The following SRPK2 variants were observed in gnomAD, a reference collection of about 807,000 sequenced individuals.
SRPK2 encodes SRSF protein kinase 2.
A neutral mutation model predicts 90.8 loss-of-function variants in SRPK2; 21 were observed. The observed-to-expected ratio is 0.23, with a 90% CI of 0.16 to 0.33. The LOEUF is 0.33. SRPK2 is among the 10% of genes least tolerant of loss of function. The pLI is 1.00. For synonymous variants in SRPK2, 288 were observed against 311.1 expected (o/e 0.93, Z 0.78); for missense variants, 620 against 869.0 (o/e 0.71, Z 3.60).
upstream of SRPK2, chr7:105,389,250 C>T (rs1413822910): frequency 1.6e-6 from 2 of 1,256,012 alleles, no homozygotes; most frequent in Non-Finnish European, 2.1e-6. Context: ...GCACCCCGGC[C>T]GGTCGCGCCG....
In SRPK2 at chr7:105,208,363, T is replaced by C. The variant is rs535885148; in HGVS notation, c.72-4578A>G. ...CACAGTGTTCAGAGAAGTACTACTA[T>C]TTTTAACGAAAAGCAGAAACAACCC... is the stretch of plus-strand genomic sequence containing the variant. On this transcript the variant is annotated intron_variant, in intron 2 of 15. Transcript: ENST00000393651. Among the ~76,000 whole-genome samples, 113 of 152,284 alleles carry C rather than the reference T, an allele frequency of 7.4e-4. 2 individuals are homozygous for C. In the South Asian group the frequency reaches 0.021, roughly 29 times the overall value.
intron 7 of SRPK2, among the ~76,000 whole-genome samples, chr7:105,155,574 C>T (rs1485687691): frequency 1.6e-4 from 25 of 152,092 alleles, no homozygotes; most frequent in Admixed American, 6.5e-5. Flanking sequence ...ATGCCAGGGA[C>T]GCTGCTAAAC....
intron 2 of SRPK2, among the ~76,000 whole-genome samples, chr7:105,383,052 A>ATTTTTTTTTTTTTTTTTTTTTTTTTTTTT (rs1563315577): frequency 9.5e-6 from 1 of 105,276 alleles, no homozygotes; most frequent in African/African-American, 3.8e-5. Flanking sequence ...CAAAAGTAAA[A>ATTTTTTTTTTTTTTTTTTTTTTTTTTTTT]ATTTTTTTTT....
At chr7:105,248,152 C>T (rs1356682134) in intron 2 of SRPK2, among the ~76,000 whole-genome samples, 3 of 152,222 alleles carry the variant, frequency 2.0e-5, no homozygotes, top group South Asian at 2.1e-4. Flanking sequence ...TGCGCCCAGT[C>T]GGCCTTAACA....
At chr7:105,297,702 CTTTTG>C (rs1046853836) in intron 2 of SRPK2, among the ~76,000 whole-genome samples, 4 of 151,412 alleles carry the variant, frequency 2.6e-5, no homozygotes, top group African/African-American at 7.3e-5. Flanking sequence ...ACATTAATTA[CTTTTG>C]TTTTATTTTC....
upstream of SRPK2, chr7:105,389,264 G>C: frequency 7.9e-7 from 1 of 1,268,132 alleles, no homozygotes; most frequent in Non-Finnish European, 1.0e-6. Context: ...CGCGCCGCCC[G>C]CTGCTCCATG....
intron 2 of SRPK2, among the ~76,000 whole-genome samples, chr7:105,264,730 T>A (rs990410579): frequency 1.3e-5 from 2 of 152,232 alleles, no homozygotes; most frequent in South Asian, 2.1e-4. Flanking sequence ...CAAACCTATA[T>A]AGCACTGTTG....
At chr7:105,250,373 T>C (rs1394752688) in intron 2 of SRPK2, among the ~76,000 whole-genome samples, 1 of 151,414 alleles carries the variant, frequency 6.6e-6, no homozygotes, top group Non-Finnish European at 1.5e-5. Flanking sequence ...CAAACATACT[T>C]TGTACCACAT....
chr7:105,244,762 C>G, intron 2 of SRPK2: 1 of 998,688 alleles, frequency 1.0e-6, no homozygotes, highest in Non-Finnish European at 1.6e-6. Flanking sequence ...CCAAACACAC[C>G]AAGTTTGTGC....
intron 2 of SRPK2, among the ~76,000 whole-genome samples, chr7:105,323,436 T>C (rs1279159798): frequency 1.3e-5 from 2 of 152,200 alleles, no homozygotes; most frequent in African/African-American, 2.4e-5. Context: ...AATTTCAAAT[T>C]TCCAACTACA....
chr7:105,248,436 TAAAAAA>T (rs56040288), intron 2 of SRPK2, among the ~76,000 whole-genome samples: 1 of 127,874 alleles, frequency 7.8e-6, no homozygotes, highest in Non-Finnish European at 1.6e-5. Flanking sequence ...ACAAAAAATT[TAAAAAA>T]AAAAAAAAAA....
At chr7:105,375,251 A>T (rs1820152384) in intron 2 of SRPK2, among the ~76,000 whole-genome samples, 1 of 152,214 alleles carries the variant, frequency 6.6e-6, no homozygotes, top group Admixed American at 6.6e-5. Context: ...CCAACCCAAT[A>T]GCAAAACAAT....
chr7:105,204,035 C>T (rs1265683508), intron 2 of SRPK2, among the ~76,000 whole-genome samples: 3 of 151,822 alleles, frequency 2.0e-5, no homozygotes, highest in Non-Finnish European at 2.9e-5. Context: ...TTTCACTTAG[C>T]GCTTCAAGAA....
At chr7:105,389,146 G>A (rs893551379), upstream of SRPK2, 6 of 986,446 alleles carry the variant, frequency 6.1e-6, no homozygotes, top group East Asian at 1.2e-4. Context: ...CCGGGCCTCC[G>A]CCTCCTGCGA....
chr7:105,121,387 A>AAAAAAG (rs113900008), intron 15 of SRPK2, among the ~76,000 whole-genome samples: 14 of 148,504 alleles, frequency 9.4e-5, no homozygotes, highest in African/African-American at 3.0e-4. Context: ...TAAAAAAAAA[A>AAAAAAG]AGAGAGAAAA....
chr7:105,338,276 A>C (rs1292064118), intron 2 of SRPK2, among the ~76,000 whole-genome samples: 1 of 152,056 alleles, frequency 6.6e-6, no homozygotes, highest in African/African-American at 2.4e-5. Context: ...TTTTTGAGAC[A>C]GTCTCCCAGG....
intron 2 of SRPK2, among the ~76,000 whole-genome samples, chr7:105,379,047 C>T (rs1820630093): frequency 1.3e-5 from 2 of 151,900 alleles, no homozygotes; most frequent in African/African-American, 4.8e-5. Context: ...GTCCCAGCTA[C>T]TCAGCAGCCT....
chr7:105,341,731 G>A (rs903670302), intron 2 of SRPK2, among the ~76,000 whole-genome samples: 1 of 152,120 alleles, frequency 6.6e-6, no homozygotes, highest in African/African-American at 2.4e-5. Context: ...ACTTTGGGAG[G>A]CTGAGGTGGG....
At chr7:105,204,768 A>G in intron 2 of SRPK2, 1 of 551,258 alleles carries the variant, frequency 1.8e-6, no homozygotes, top group South Asian at 1.6e-5. Context: ...CTTTAGCACC[A>G]GTTCCTCACA....
Sources: allele counts gnomAD v4.1 joint callset (sites outside exome capture counted in the v4.1 genomes callset), GRCh38; gene constraint gnomAD v4.1.1; transcripts MANE v1.5; gene names NCBI Gene and HGNC (gene_info 2026-07-23, HGNC 2026-07-21).